The following WDR62 variants were observed in gnomAD, a reference collection of about 807,000 sequenced individuals.
WDR62 encodes the protein WD repeat-containing protein 62.
Under a neutral mutation model 160.6 loss-of-function variants are expected in WDR62, and 112 were observed. The observed-to-expected ratio is 0.70, with a 90% CI of 0.60 to 0.82. The LOEUF (loss-of-function observed/expected upper bound fraction) is 0.82. Among genes scored for constraint, WDR62 ranks in the 40% least tolerant of loss-of-function variants. The pLI, the probability that WDR62 is intolerant of heterozygous loss-of-function variation, is 0.00. For synonymous variants in WDR62, 792 were observed against 815.1 expected, an observed-to-expected ratio of 0.97 and a Z score of 0.48; for missense variants, 1,819 against 1,983.8, an observed-to-expected ratio of 0.92 and a Z score of 1.58.
rs749070653 is a variant in WDR62 at position 36,071,680 on chromosome 19, A to G, written c.1007A>G (p.Tyr336Cys). 2.7e-5 allele frequency: 44 copies of G among 1,613,874 alleles called. 1 individual carries two copies. Among genetic ancestry groups the G allele is most frequent in the Middle Eastern group, 1.6e-4 (1 of 6,082 alleles). Reference sequence around the variant, plus strand: ...CTCGCCAACCTGCCCAAGCCACACTACCTTGGGGTAGACGTGGCACAGGGC... The same window carrying G: ...CTCGCCAACCTGCCCAAGCCACACTGCCTTGGGGTAGACGTGGCACAGGGC... ...HYLANLPKPHYLGVDVAQGLE... is the reference protein window; with the variant it reads ...HYLANLPKPHCLGVDVAQGLE... The change falls in exon 8 of 32, where the codon TAC (tyrosine) becomes TGC (cysteine). Residue 336 changes from tyrosine (Y) to cysteine (C), a missense_variant. Physicochemically the swap from Tyr to Cys is radical, Grantham distance 194. Transcript: ENST00000401500.
At position 36,054,938 on chromosome 19, in the gene WDR62, G is replaced by T; in HGVS notation, c.-34G>T. 6.4e-7 allele frequency: 1 copy of T among 1,560,050 alleles called. No individual in the cohort carries two copies. Among genetic ancestry groups the T allele is most frequent in the African/African-American group, 1.4e-5 (1 of 74,036 alleles). On this transcript the variant is annotated 5_prime_UTR_variant, in exon 1 of 32. It adds an upstream start codon to the 5' untranslated region. Coordinates refer to ENST00000401500, the MANE Select transcript of WDR62 (RefSeq NM_001083961.2). Reference sequence around the variant, plus strand: ...GTGGCGGTGGCGGCAGCGGCGGTTAGGGGATGTAACGGTCGCCCGCCTCCG... The same window carrying T: ...GTGGCGGTGGCGGCAGCGGCGGTTATGGGATGTAACGGTCGCCCGCCTCCG...
chr19:36,109,484 A>G (rs1205882662), downstream of WDR62, among the ~76,000 whole-genome samples: 1 of 152,106 alleles, frequency 6.6e-6, no homozygotes, highest in African/African-American at 2.4e-5. Context: ...CTGTAATCCC[A>G]GCACTTTGGG....
rs1249514330 is a variant in WDR62 at position 36,084,668 on chromosome 19, C to G, written c.1566C>G (p.His522Gln). 1 of 1,613,872 alleles carries G rather than the reference C, an allele frequency of 6.2e-7. No homozygotes were observed. The highest frequency in any genetic ancestry group is 8.5e-7 in the Non-Finnish European group (1 of 1,180,004). Residue 522 changes from histidine to glutamine, a missense_variant, in exon 12 of 32, where the codon CAC becomes CAG. This residue lies in a region of WDR62 where 934 missense variants were observed against 1,157.2 expected (regional missense o/e 0.81). Transcript: ENST00000401500. ...TGTCTCCCAGGATCCACGAGCTGCA[C>G]TTCATGGACGAGCTGGTCAAGGTGG... is the stretch of plus-strand genomic sequence containing the variant. ...RSGNLRIHEL[H>Q]FMDELVKVEA... is the part of the protein sequence containing the mutation.
chr19:36,101,672 G>GA lies in WDR62; in HGVS notation c.2981dup (p.Ser995ValfsTer20). 6.4e-7 allele frequency: 1 copy of GA among 1,550,830 alleles called. No homozygotes were observed. The highest frequency in any genetic ancestry group is 8.7e-7 in the Non-Finnish European group (1 of 1,146,800). ...CCGACTCTGTCCTTCAGACTCGGGGGAGTCAGAGGCCGACCTGGAGTGCAG... is the reference window on the plus strand; with the variant it reads ...CCGACTCTGTCCTTCAGACTCGGGGGAAGTCAGAGGCCGACCTGGAGTGCAG... On this transcript the variant is annotated frameshift_variant, in exon 25 of 32. Transcript: ENST00000401500. LOFTEE classifies it high-confidence loss of function.
chr19:36,072,552 T>C (rs1486726390), intron 8 of WDR62, among the ~76,000 whole-genome samples: 1 of 152,056 alleles, frequency 6.6e-6, no homozygotes, highest in African/African-American at 2.4e-5. Context: ...TTGTTGCAAG[T>C]CTGTTTTATG....
intron 26 of WDR62, 196 bp from the exon 27 acceptor site, chr19:36,102,541 G>A (rs181102536): frequency 6.5e-6 from 4 of 616,804 alleles, no homozygotes; most frequent in South Asian, 2.0e-5. Context: ...GATTACAGGC[G>A]TGAGCCACCG....
In WDR62 at chr19:36,103,082, T is replaced by C. The variant is rs746107786; in HGVS notation, c.3462+8T>C. On this transcript the variant is annotated splice_region_variant and intron_variant, in intron 28 of 31. Transcript: ENST00000401500. ...TCCCCAGACAGGACCCACGTGAGTA[T>C]TGGGCCCACCTCCGTCAGGGCACGG... 3 of 1,614,012 alleles carry C rather than the reference T, an allele frequency of 1.9e-6. No individual in the cohort carries two copies. The Admixed American group carries it at 5.0e-5, about 27-fold the overall frequency.
Position 36,104,751 on chromosome 19 carries a change from G to A in WDR62, c.4312-17G>A. 1 of 1,613,774 alleles carries A rather than the reference G, an allele frequency of 6.2e-7. No homozygotes were observed. Among genetic ancestry groups the A allele is most frequent in the South Asian group, 1.1e-5 (1 of 91,088 alleles). On this transcript the variant is annotated splice_polypyrimidine_tract_variant and intron_variant, in intron 31 of 31. Coordinates refer to ENST00000401500, the MANE Select transcript of WDR62 (RefSeq NM_001083961.2). ...CCCGGCCTTGGTGGCCCCTGACAAGGCTGGCATCCCTTGCAGTTGGTCTCC... is the reference window on the plus strand; with the variant it reads ...CCCGGCCTTGGTGGCCCCTGACAAGACTGGCATCCCTTGCAGTTGGTCTCC...
At chr19:36,097,882 TA>T (rs145357526) in intron 21 of WDR62, among the ~76,000 whole-genome samples, 3 of 150,174 alleles carry the variant, frequency 2.0e-5, no homozygotes, top group Non-Finnish European at 4.4e-5. Context: ...CTTTGTCTCA[TA>T]AAAAAAATAA....
intron 28 of WDR62, 31 bp from the exon 29 acceptor site, chr19:36,103,125 C>T: frequency 2.5e-6 from 4 of 1,614,012 alleles, no homozygotes; most frequent in Non-Finnish European, 3.4e-6. Flanking sequence ...AACCCTGAGG[C>T]CTTGTCCTCA....
rs868849406 is a variant in WDR62 at position 36,067,375 on chromosome 19, A to G, written c.631A>G (p.Ser211Gly). 1.2e-6 allele frequency: 2 copies of G among 1,614,208 alleles called. No homozygotes were observed. Among genetic ancestry groups the G allele is most frequent in the Middle Eastern group, 1.6e-4 (1 of 6,062 alleles). Residue 211 changes from serine (S) to glycine (G), a missense_variant, in exon 6 of 32, where the codon AGC becomes GGC. Physicochemically the swap from Ser to Gly is moderately conservative, Grantham distance 56. Coordinates refer to ENST00000401500, the MANE Select transcript of WDR62 (RefSeq NM_001083961.2). ...TGCCCTCTCCTTCTCAGAGGACAGCAGCTATTTTGTCACTGTTGGGAACCG... is the reference window on the plus strand; with the variant it reads ...TGCCCTCTCCTTCTCAGAGGACAGCGGCTATTTTGTCACTGTTGGGAACCG... ...VIALSFSEDS[S>G]YFVTVGNRHV...
rs376026671 is a variant in WDR62, at chr19:36,104,573, G to T, written c.4209G>T (p.Pro1403=). 2 of 1,613,836 alleles carry T rather than the reference G, an allele frequency of 1.2e-6. No homozygotes were observed. Among genetic ancestry groups the T allele is most frequent in the Non-Finnish European group, 1.7e-6 (2 of 1,179,980 alleles). Residue 1403 remains proline, a synonymous_variant, in exon 31 of 32, where the codon CCG becomes CCT. Coordinates refer to ENST00000401500, the MANE Select transcript of WDR62 (RefSeq NM_001083961.2). ...CCCGCTGGAGTGAGCCCTGGGTGCC[G>T]GTTGAAGCCCTGCCCCCATCTCCCC... The part of the protein sequence containing the change: ...SPARWSEPWV[P]VEALPPSPLE...
At position 36,091,956 on chromosome 19, in the gene WDR62, T is replaced by G. The variant is rs1394702002; in HGVS notation, c.2210+491T>G. Reference sequence around the variant, plus strand: ...TTTCTTGTCACCTTGAGCAGGTTATTTCCCCTGAGCCTCAGTTTGCTCCCC... The same window carrying G: ...TTTCTTGTCACCTTGAGCAGGTTATGTCCCCTGAGCCTCAGTTTGCTCCCC... On this transcript the variant is annotated intron_variant, in intron 18 of 31. Transcript: ENST00000401500. Among the ~76,000 whole-genome samples, 3 of 152,118 alleles carry G rather than the reference T, an allele frequency of 2.0e-5. No individual in the cohort carries two copies. In the South Asian group the frequency reaches 6.2e-4, roughly 32 times the overall value.
intron 7 of WDR62, among the ~76,000 whole-genome samples, chr19:36,069,193 A>C (rs1387167193): frequency 7.0e-6 from 1 of 143,380 alleles, no homozygotes; most frequent in South Asian, 2.1e-4. Context: ...TCCCTCCGGG[A>C]CGGGGCGGCT....
chr19:36,105,552 A>G (rs1973693303), downstream of WDR62, among the ~76,000 whole-genome samples: 1 of 151,876 alleles, frequency 6.6e-6, no homozygotes, highest in African/African-American at 2.4e-5. Flanking sequence ...GGACCCATGA[A>G]CAGGCTTGCC....
rs1288279193 is a variant in WDR62 at position 36,068,132 on chromosome 19, ACT to A, written c.882+127_882+128del. ...ATGTGACTAGTGGTGAATGACGCCC[ACT>A]CTCTGAGCTTAAGGTTCCACATCTG... On this transcript the variant is annotated intron_variant, in intron 7 of 31. Transcript: ENST00000401500. 22 of 1,222,198 alleles carry A rather than the reference ACT, an allele frequency of 1.8e-5. No homozygotes were observed. The East Asian group carries it at 4.3e-4, about 24-fold the overall frequency. 75.7% of individuals were successfully genotyped at this position (1,222,198 alleles called of 1,614,324 possible). A position where few individuals can be genotyped will look rare whatever the true frequency, so the allele number is the denominator to read the frequency against.
chr19:36,106,644 G>A (rs117890800), downstream of WDR62, among the ~76,000 whole-genome samples: 721 of 152,322 alleles, frequency 4.7e-3, 6 homozygotes, highest in Non-Finnish European at 7.8e-3. Flanking sequence ...ACAGGCCTGG[G>A]GCAGCCACAC....
chr19:36,105,529 C>T (rs1015688662), downstream of WDR62, among the ~76,000 whole-genome samples: 14 of 151,438 alleles, frequency 9.2e-5, no homozygotes, highest in Non-Finnish European at 1.9e-4. Context: ...CCATCTGCAA[C>T]AGGGGAAACT....
intron 1 of WDR62, among the ~76,000 whole-genome samples, chr19:36,056,418 G>C (rs371402804): frequency 3.9e-5 from 6 of 152,244 alleles, no homozygotes; most frequent in African/African-American, 1.4e-4. Context: ...TTTTCCTGAG[G>C]CTCCATATTC....
Sources: gnomAD v4.1 joint callset for allele counts (sites outside exome capture counted in the v4.1 genomes callset) on GRCh38, gnomAD v4.1.1 for gene constraint, gnomAD v4.1.1 regional missense constraint, MANE v1.5 for transcripts, NCBI Gene and HGNC (gene_info 2026-07-23, HGNC 2026-07-21) for gene names.